ZMYM2: variants seen among roughly 807,000 people sequenced by gnomAD.
The protein encoded by ZMYM2 is zinc finger MYM-type containing 2, also known as zinc finger MYM-type protein 2.
In ZMYM2, 56 loss-of-function variants were observed where a neutral mutation model predicts 162.8. That is an observed-to-expected ratio of 0.34 (90% CI 0.28 to 0.43). The LOEUF (loss-of-function observed/expected upper bound fraction) is 0.43, where lower values mean the gene tolerates loss of function less well. Among genes scored for constraint, ZMYM2 ranks in the 20% least tolerant of loss-of-function variants. ZMYM2 has a pLI of 1.00. For synonymous variants in ZMYM2, 510 were observed against 541.6 expected, an observed-to-expected ratio of 0.94 and a Z score of 0.81; for missense variants, 1,275 against 1,621.8, an observed-to-expected ratio of 0.79 and a Z score of 3.67.
At position 20,082,961 on chromosome 13, in the gene ZMYM2, AT is replaced by A. The variant is rs1165406794; in HGVS notation, c.3750del (p.Pro1251LeufsTer2). The stretch of plus-strand genomic sequence containing the variant: ...ACTGTGTTTAGGCATTGGAAAAAAA[AT>A]CCTTTAACGATGGAAAACAAAGCGT... ...FGTVFRHWKK[N>X]PLTMENKACL... On this transcript the variant is annotated frameshift_variant, in exon 23 of 25. Transcript: ENST00000610343. LOFTEE classifies it high-confidence loss of function. 1 of 1,613,888 alleles carries A rather than the reference AT, an allele frequency of 6.2e-7. No homozygotes were observed. Among genetic ancestry groups the A allele is most frequent in the African/African-American group, 1.3e-5 (1 of 74,942 alleles).
chr13:19,904,050 A>G, the ZMYM2 span, among the ~76,000 whole-genome samples: 2 of 152,082 alleles, frequency 1.3e-5, no homozygotes, highest in Non-Finnish European at 2.9e-5. Context: ...ACATATGTTT[A>G]ACAGATCCCT....
chr13:19,994,396 A>G (rs914829535), intron 3 of ZMYM2, among the ~76,000 whole-genome samples: 2 of 152,256 alleles, frequency 1.3e-5, no homozygotes, highest in Non-Finnish European at 2.9e-5. Context: ...TTTTGCTAAT[A>G]GAATTTTTAC....
At chr13:20,065,232 G>A (rs756086855) in intron 19 of ZMYM2, among the ~76,000 whole-genome samples, 10 of 151,948 alleles carry the variant, frequency 6.6e-5, no homozygotes, top group Non-Finnish European at 1.2e-4. Flanking sequence ...AAAAAAAACC[G>A]GAAAAGGGAG....
At chr13:19,891,509 T>C in the ZMYM2 span, among the ~76,000 whole-genome samples, 1 of 149,882 alleles carries the variant, frequency 6.7e-6, no homozygotes, top group African/African-American at 2.5e-5. Flanking sequence ...GGTATAGTGA[T>C]GCATGCCTGT....
chr13:19,930,086 C>T, the ZMYM2 span, among the ~76,000 whole-genome samples: 1 of 152,092 alleles, frequency 6.6e-6, no homozygotes, highest in African/African-American at 2.4e-5. Context: ...GGCAAGACCT[C>T]ATCTCTACAA....
At chr13:19,974,106 A>G (rs1285630667) in intron 2 of ZMYM2, among the ~76,000 whole-genome samples, 1 of 152,216 alleles carries the variant, frequency 6.6e-6, no homozygotes, top group East Asian at 1.9e-4. Flanking sequence ...ATCCCAGTAT[A>G]TTTGCATATG....
At chr13:20,039,665 A>T (rs1413782654) in intron 12 of ZMYM2, among the ~76,000 whole-genome samples, 1 of 151,922 alleles carries the variant, frequency 6.6e-6, no homozygotes, top group Non-Finnish European at 1.5e-5. Flanking sequence ...TTTAGTAGAG[A>T]TGGGATTTCA....
chr13:19,987,637 G>GTGTT (rs1949279993), intron 2 of ZMYM2, among the ~76,000 whole-genome samples: 2 of 149,710 alleles, frequency 1.3e-5, no homozygotes, highest in Admixed American at 6.7e-5. Flanking sequence ...GTGTGTGTGT[G>GTGTT]TGTGTGTGTG....
At chr13:20,020,727 C>CT (rs1952011435) in intron 7 of ZMYM2, among the ~76,000 whole-genome samples, 1 of 151,918 alleles carries the variant, frequency 6.6e-6, no homozygotes. Flanking sequence ...TTTCCCTAGT[C>CT]TTTTTTTCCT....
rs1949780496 is a variant in ZMYM2 at position 19,993,378 on chromosome 13, C to T, written c.306C>T (p.Ser102=). The T allele has an allele frequency of 2.5e-6, 4 of 1,613,526 alleles. No homozygotes were observed. Among genetic ancestry groups the T allele is most frequent in the Non-Finnish European group, 3.4e-6 (4 of 1,179,816 alleles). ...GAAATGATTCCAAAATTACTCCTTC[C>T]TCAAAAGAGTTGGCATCTCAGAAGG... ...LQGNDSKITP[S]SKELASQKGS... Residue 102 remains serine (S), a synonymous_variant, in exon 3 of 25, where the codon TCC becomes TCT. Coordinates refer to ENST00000610343, the MANE Select transcript of ZMYM2 (RefSeq NM_197968.4).
chr13:20,027,146 A>G, intron 8 of ZMYM2, 57 bp from the exon 9 acceptor site: 6 of 1,301,076 alleles, frequency 4.6e-6, no homozygotes, highest in African/African-American at 1.5e-5. Context: ...TAGTTAAGAT[A>G]AAAAAACTTT....
the ZMYM2 span, among the ~76,000 whole-genome samples, chr13:19,929,171 GTTTC>G: frequency 6.6e-6 from 1 of 151,988 alleles, no homozygotes; most frequent in Non-Finnish European, 1.5e-5. Flanking sequence ...TGATAGCTTT[GTTTC>G]TTTCTTTCCA....
intron 7 of ZMYM2, among the ~76,000 whole-genome samples, chr13:20,020,395 C>G (rs192916813): frequency 6.6e-6 from 1 of 151,992 alleles, no homozygotes; most frequent in South Asian, 2.1e-4. Flanking sequence ...CCACCACACC[C>G]GGCTAATTTT....
At chr13:19,869,590 C>G in the ZMYM2 span, among the ~76,000 whole-genome samples, 3 of 152,050 alleles carry the variant, frequency 2.0e-5, no homozygotes, top group Non-Finnish European at 4.4e-5. Context: ...GAGTTTCAGA[C>G]CAGCCTGGGC....
At chr13:19,991,922 T>A (rs528572708) in intron 2 of ZMYM2, among the ~76,000 whole-genome samples, 22 of 152,280 alleles carry the variant, frequency 1.4e-4, no homozygotes, top group African/African-American at 5.3e-4. Context: ...TTACTTGTAG[T>A]CTCCCTCTGC....
At chr13:19,952,166 T>C in the ZMYM2 span, among the ~76,000 whole-genome samples, 1 of 152,098 alleles carries the variant, frequency 6.6e-6, no homozygotes, top group African/African-American at 2.4e-5. Flanking sequence ...ATCTCACATA[T>C]GGAATCTTAA....
rs541542996 is a variant in ZMYM2, at chr13:19,994,039, T to C, written c.847+120T>C. The C allele has an allele frequency of 6.9e-6, 8 of 1,162,248 alleles. No individual in the cohort carries two copies. In the South Asian group the frequency reaches 1.2e-4, roughly 18 times the overall value. The allele number at this position is 1,162,248 out of a possible 1,614,324, so 72.0% of individuals were successfully genotyped here. A position where few individuals can be genotyped will look rare whatever the true frequency, so the allele number is the denominator to read the frequency against. ...TTCATCATGTGAAATATGTGAATTA[T>C]ATTGAATTTTATCTTAAGTTTGGTA... On this transcript the variant is annotated intron_variant, in intron 3 of 24. Coordinates refer to ENST00000610343, the MANE Select transcript of ZMYM2 (RefSeq NM_197968.4).
intron 21 of ZMYM2, among the ~76,000 whole-genome samples, chr13:20,078,753 A>G (rs1239783744): frequency 6.6e-6 from 1 of 152,186 alleles, no homozygotes; most frequent in Non-Finnish European, 1.5e-5. Flanking sequence ...GTATTTTTAA[A>G]ATGTTAAATA....
At chr13:20,073,150 C>T (rs561933551) in intron 21 of ZMYM2, among the ~76,000 whole-genome samples, 1 of 152,196 alleles carries the variant, frequency 6.6e-6, no homozygotes, top group African/African-American at 2.4e-5. Flanking sequence ...TCAAGTGATC[C>T]GCCTGCCCCA....
Sources: allele counts gnomAD v4.1 joint callset (sites outside exome capture counted in the v4.1 genomes callset), GRCh38; gene constraint gnomAD v4.1.1; transcripts MANE v1.5; gene names NCBI Gene and HGNC (gene_info 2026-07-23, HGNC 2026-07-21).